Variants in MAPK10 observed in about 807,000 individuals in gnomAD.
MAPK10 encodes the protein mitogen-activated protein kinase 10, also known as JNK3 alpha protein kinase.
A neutral mutation model predicts 59.3 loss-of-function variants in MAPK10; 25 were observed. That is an observed-to-expected ratio of 0.42 (90% CI 0.31 to 0.59). MAPK10 has a LOEUF of 0.59. Among genes scored for constraint, MAPK10 ranks in the 20% least tolerant of loss-of-function variants. MAPK10 has a pLI of 0.15. For synonymous variants in MAPK10, 190 were observed against 200.5 expected (o/e 0.95, Z 0.44); for missense variants, 351 against 568.9 (o/e 0.62, Z 3.90).
rs1231218819 is a variant in MAPK10, at chr4:86,196,439, G to C, written c.-6-2032C>G. ...GCTTTTTTCTTGTAAATTTGTTTAAGTTCTTTATAGATTCTGGATATTAGC... is the reference window on the plus strand; with the variant it reads ...GCTTTTTTCTTGTAAATTTGTTTAACTTCTTTATAGATTCTGGATATTAGC... On this transcript the variant is annotated intron_variant, in intron 2 of 13. Transcript: ENST00000641462. Among the ~76,000 whole-genome samples the C allele has an allele frequency of 3.9e-5, 6 of 152,250 alleles. No individual in the cohort carries two copies. The East Asian group carries it at 9.6e-4, about 24-fold the overall frequency.
intron 4 of MAPK10, among the ~76,000 whole-genome samples, chr4:86,145,740 C>T (rs1354518169): frequency 1.3e-5 from 2 of 152,094 alleles, no homozygotes; most frequent in Admixed American, 1.3e-4. Context: ...TCTTCTGTCT[C>T]TCTGTCTCAT....
chr4:86,550,746 C>T (rs1259044367), intron 1 of MAPK10, among the ~76,000 whole-genome samples: 1 of 152,100 alleles, frequency 6.6e-6, no homozygotes, highest in Non-Finnish European at 1.5e-5. Flanking sequence ...CACACAAAAA[C>T]CTCCAAATGT....
chr4:86,089,263 C>A (rs1444008280), intron 9 of MAPK10: 4 of 1,611,892 alleles, frequency 2.5e-6, no homozygotes, highest in African/African-American at 1.3e-5. Context: ...ATGCACCCTA[C>A]TGACCACATG....
At chr4:86,070,759 T>G (rs2047740391) in intron 9 of MAPK10, among the ~76,000 whole-genome samples, 1 of 151,072 alleles carries the variant, frequency 6.6e-6, no homozygotes, top group Non-Finnish European at 1.5e-5. Context: ...CCATGGTGTA[T>G]ATGTGCCACA....
rs1191777510 is a variant in MAPK10 at position 86,139,293 on chromosome 4, C to G, written c.236+20005G>C. ...CCTAACTTCAAACTATACTACAAGGCTACAGTAACCAAAACAGCATGTTAC... is the reference window on the plus strand; with the variant it reads ...CCTAACTTCAAACTATACTACAAGGGTACAGTAACCAAAACAGCATGTTAC... On this transcript the variant is annotated intron_variant, in intron 4 of 13. Coordinates refer to ENST00000641462, the MANE Select transcript of MAPK10 (RefSeq NM_138982.4). Among the ~76,000 whole-genome samples, 9 of 150,106 alleles carry G rather than the reference C, an allele frequency of 6.0e-5. No homozygotes were observed. The East Asian group carries it at 1.7e-3, about 29-fold the overall frequency.
intron 9 of MAPK10, among the ~76,000 whole-genome samples, chr4:86,068,710 A>G (rs1351578960): frequency 1.3e-5 from 2 of 152,188 alleles, no homozygotes; most frequent in Non-Finnish European, 2.9e-5. Flanking sequence ...CATGGGGAAT[A>G]CCACAGAAAA....
At chr4:86,416,684 A>G (rs1002984143) in intron 1 of MAPK10, among the ~76,000 whole-genome samples, 9 of 152,222 alleles carry the variant, frequency 5.9e-5, no homozygotes, top group African/African-American at 2.2e-4. Context: ...TTTGAATTGC[A>G]TCCTTGGCTT....
chr4:86,324,923 T>A (rs1453023480), intron 2 of MAPK10, among the ~76,000 whole-genome samples: 2 of 151,958 alleles, frequency 1.3e-5, no homozygotes, highest in Non-Finnish European at 2.9e-5. Context: ...CATTTCAATA[T>A]TTTTTTTAGT....
chr4:86,103,045 T>A, intron 6 of MAPK10, 141 bp downstream of exon 6: 1 of 588,384 alleles, frequency 1.7e-6, no homozygotes, highest in South Asian at 2.6e-5. Flanking sequence ...ACCTCTTACC[T>A]CTCTTTGAGC....
intron 2 of MAPK10, among the ~76,000 whole-genome samples, chr4:86,205,986 A>T (rs2083770438): frequency 1.3e-5 from 2 of 152,056 alleles, no homozygotes; most frequent in Admixed American, 1.3e-4. Context: ...TAAAATTGGC[A>T]TACGAATTGA....
intron 2 of MAPK10, among the ~76,000 whole-genome samples, chr4:86,343,727 G>A (rs535058831): frequency 1.7e-4 from 26 of 152,194 alleles, no homozygotes; most frequent in Non-Finnish European, 1.5e-5. Flanking sequence ...GTCTTCCAAA[G>A]GTGACTTGAT....
At chr4:86,134,726 G>A (rs1023442749) in intron 4 of MAPK10, among the ~76,000 whole-genome samples, 2 of 152,226 alleles carry the variant, frequency 1.3e-5, no homozygotes, top group Non-Finnish European at 2.9e-5. Flanking sequence ...AGCTCCCAGC[G>A]TGAGCGACAC....
chr4:86,209,450 G>C (rs1050590813), intron 2 of MAPK10, among the ~76,000 whole-genome samples: 2 of 151,992 alleles, frequency 1.3e-5, no homozygotes, highest in Non-Finnish European at 2.9e-5. Flanking sequence ...TCTATTGAAG[G>C]CTCGCAATTT....
At chr4:86,478,730 A>G (rs1189766610) in intron 1 of MAPK10, among the ~76,000 whole-genome samples, 1 of 151,770 alleles carries the variant, frequency 6.6e-6, no homozygotes. Context: ...CCATTTCCCC[A>G]TACTTCCTTC....
chr4:86,577,063 G>A (rs1486769912), intron 1 of MAPK10, among the ~76,000 whole-genome samples: 1 of 152,118 alleles, frequency 6.6e-6, no homozygotes, highest in Non-Finnish European at 1.5e-5. Flanking sequence ...CAGCTCTTTG[G>A]GATGCCGAGG....
intron 9 of MAPK10, among the ~76,000 whole-genome samples, chr4:86,075,965 G>T: frequency 6.6e-6 from 1 of 151,904 alleles, no homozygotes; most frequent in East Asian, 1.9e-4. Context: ...AAGCAAGCCT[G>T]GGCAATGGCG....
chr4:86,497,747 C>T (rs1221675600), intron 1 of MAPK10, among the ~76,000 whole-genome samples: 1 of 152,074 alleles, frequency 6.6e-6, no homozygotes, highest in East Asian at 1.9e-4. Flanking sequence ...TCGAGTGTAC[C>T]AAGCAAGCAT....
In MAPK10 at chr4:86,354,515, A is replaced by G. The variant is rs1733420506; in HGVS notation, c.-7+15T>C. On this transcript the variant is annotated intron_variant, in intron 2 of 13. Coordinates refer to ENST00000641462, the MANE Select transcript of MAPK10 (RefSeq NM_138982.4). ...AGTTTTCATGCTAAGGAATATTTTTAAATTGGCAACTCACCACAGCTTGTA... is the reference window on the plus strand; with the variant it reads ...AGTTTTCATGCTAAGGAATATTTTTGAATTGGCAACTCACCACAGCTTGTA... The G allele has an allele frequency of 8.7e-6, 10 of 1,143,140 alleles. No homozygotes were observed. The highest frequency in any genetic ancestry group is 9.9e-6 in the Non-Finnish European group (9 of 907,078). The allele number at this position is 1,143,140 out of a possible 1,614,324, so 70.8% of individuals were successfully genotyped here. A position where few individuals can be genotyped will look rare whatever the true frequency, so the allele number is the denominator to read the frequency against.
chr4:86,247,371 C>T (rs2093162550), intron 2 of MAPK10, among the ~76,000 whole-genome samples: 7 of 152,182 alleles, frequency 4.6e-5, no homozygotes. Flanking sequence ...CATGTTTTCT[C>T]CCTGCCCTGA....
Sources: gnomAD v4.1 joint callset for allele counts (sites outside exome capture counted in the v4.1 genomes callset) on GRCh38, gnomAD v4.1.1 for gene constraint, MANE v1.5 for transcripts, NCBI Gene and HGNC (gene_info 2026-07-23, HGNC 2026-07-21) for gene names.